CLVS1: variants seen among roughly 807,000 people sequenced by gnomAD.
The protein encoded by CLVS1 is clavesin-1.
Under a neutral mutation model 33.1 loss-of-function variants are expected in CLVS1, and 10 were observed. The ratio of observed to expected loss-of-function variants is 0.30; its 90% CI spans 0.19 to 0.51. The LOEUF (loss-of-function observed/expected upper bound fraction) is 0.51. Ranked by LOEUF, CLVS1 falls within the 20% of genes least tolerant of loss-of-function variation. CLVS1 has a pLI of 0.97. For missense variants in CLVS1, 343 were observed against 433.4 expected (o/e 0.79, Z 1.85); for synonymous variants, 163 against 166.1 (o/e 0.98, Z 0.14).
chr8:61,492,627 A>G (rs149936508), intron 5 of CLVS1, among the ~76,000 whole-genome samples: 2 of 152,242 alleles, frequency 1.3e-5, no homozygotes, highest in African/African-American at 4.8e-5. Flanking sequence ...TATAGGCAAG[A>G]GCTGGGAATT....
chr8:61,446,358 C>G (rs1816758112), intron 3 of CLVS1, among the ~76,000 whole-genome samples: 1 of 152,124 alleles, frequency 6.6e-6, no homozygotes, highest in Non-Finnish European at 1.5e-5. Flanking sequence ...TGTCCTATGT[C>G]TTGATCTGTT....
chr8:61,168,276 A>G (rs1258043156), intron 2 of CLVS1, among the ~76,000 whole-genome samples: 1 of 152,188 alleles, frequency 6.6e-6, no homozygotes, highest in Admixed American at 6.5e-5. Flanking sequence ...CCATAATTCA[A>G]TGGTGACTCC....
At chr8:61,175,903 C>T (rs935294107) in intron 2 of CLVS1, among the ~76,000 whole-genome samples, 5 of 152,194 alleles carry the variant, frequency 3.3e-5, no homozygotes, top group African/African-American at 4.8e-5. Flanking sequence ...CTCAGCTCAA[C>T]ATCTGCCTAA....
At chr8:61,064,603 C>T (rs1484877010) in intron 1 of CLVS1, among the ~76,000 whole-genome samples, 1 of 149,688 alleles carries the variant, frequency 6.7e-6, no homozygotes, top group Non-Finnish European at 1.5e-5. Context: ...TGCAGGGGCA[C>T]GATCTCAGCT....
At chr8:61,353,353 G>A (rs1225720012) in intron 2 of CLVS1, among the ~76,000 whole-genome samples, 1 of 151,906 alleles carries the variant, frequency 6.6e-6, no homozygotes, top group Non-Finnish European at 1.5e-5. Flanking sequence ...TGTTTTGTCT[G>A]ACCATAATGG....
At chr8:61,490,482 C>G (rs1269582628) in intron 5 of CLVS1, among the ~76,000 whole-genome samples, 3 of 151,270 alleles carry the variant, frequency 2.0e-5, no homozygotes, top group Non-Finnish European at 4.4e-5. Context: ...TCCTGGCCAA[C>G]ACGGTGAAAC....
chr8:61,299,799 G>T lies in CLVS1; in HGVS notation c.-29G>T. Reference sequence around the variant, plus strand: ...CCTGGTAGTAAAACACTGTTGAATGGGCCACAGTTTCAGCAGACCATCAGG... The same window carrying T: ...CCTGGTAGTAAAACACTGTTGAATGTGCCACAGTTTCAGCAGACCATCAGG... On this transcript the variant is annotated 5_prime_UTR_variant, in exon 2 of 6. Coordinates refer to ENST00000325897, the MANE Select transcript of CLVS1 (RefSeq NM_173519.3). 6.5e-7 allele frequency: 1 copy of T among 1,538,250 alleles called. No homozygotes were observed. The highest frequency in any genetic ancestry group is 8.9e-7 in the Non-Finnish European group (1 of 1,124,958).
At chr8:61,108,443 A>T (rs1219520432) in intron 1 of CLVS1, among the ~76,000 whole-genome samples, 1 of 152,200 alleles carries the variant, frequency 6.6e-6, no homozygotes, top group African/African-American at 2.4e-5. Context: ...ATGGCTCCAT[A>T]GATCTCTGTT....
At chr8:61,434,811 G>A (rs1346935756) in intron 3 of CLVS1, among the ~76,000 whole-genome samples, 2 of 152,174 alleles carry the variant, frequency 1.3e-5, no homozygotes, top group Non-Finnish European at 2.9e-5. Flanking sequence ...ACCTAAAAGG[G>A]TGCCTGGTTC....
At chr8:61,069,848 T>G (rs1180294112) in intron 1 of CLVS1, among the ~76,000 whole-genome samples, 1 of 152,182 alleles carries the variant, frequency 6.6e-6, no homozygotes, top group Non-Finnish European at 1.5e-5. Context: ...TGGAGTGCAG[T>G]GGCGCGATCT....
the CLVS1 span, among the ~76,000 whole-genome samples, chr8:61,029,946 A>T: frequency 3.9e-5 from 6 of 152,182 alleles, no homozygotes; most frequent in African/African-American, 1.4e-4. Flanking sequence ...AGGCCGCCCT[A>T]CAGCCATCCC....
intron 1 of CLVS1, among the ~76,000 whole-genome samples, chr8:61,101,659 T>C (rs1805453012): frequency 6.6e-6 from 1 of 152,126 alleles, no homozygotes; most frequent in South Asian, 2.1e-4. Context: ...TTGCTTTTGG[T>C]GTCATTTTAA....
chr8:61,492,005 T>C (rs1804105307), intron 5 of CLVS1, among the ~76,000 whole-genome samples: 1 of 152,206 alleles, frequency 6.6e-6, no homozygotes, highest in Admixed American at 6.5e-5. Context: ...AATGAGCTAA[T>C]ACATGGAAAG....
chr8:61,080,759 T>C (rs948776529), intron 1 of CLVS1, among the ~76,000 whole-genome samples: 3 of 152,150 alleles, frequency 2.0e-5, no homozygotes, highest in Non-Finnish European at 4.4e-5. Flanking sequence ...GTAGAAAAGA[T>C]AGATGCCCAA....
chr8:61,357,494 C>CTTTTTTT lies in CLVS1; in HGVS notation c.456-19089_456-19083dup, dbSNP rs1167743712. On this transcript the variant is annotated intron_variant, in intron 2 of 5. Transcript: ENST00000325897. ...CTTCTTTTTCTTTCCTTTTTCTTTT[C>CTTTTTTT]TTTTTTTTTTTTTTTTTTTTTTTTT... Among the ~76,000 whole-genome samples, 158 of 25,788 alleles carry CTTTTTTT rather than the reference C, an allele frequency of 6.1e-3. 8 individuals carry two copies. Among genetic ancestry groups the CTTTTTTT allele is most frequent in the African/African-American group, 7.0e-3 (71 of 10,074 alleles). The allele number at this position is 25,788 out of a possible 152,430, so 16.9% of individuals were successfully genotyped here.
At chr8:61,376,910 C>T in intron 3 of CLVS1, 131 bp downstream of exon 3, 4 of 766,660 alleles carry the variant, frequency 5.2e-6, no homozygotes, top group South Asian at 5.6e-5. Context: ...CTGAGTACTC[C>T]ATGTTTTTGC....
At chr8:61,439,563 G>A (rs925126842) in intron 3 of CLVS1, among the ~76,000 whole-genome samples, 2 of 152,122 alleles carry the variant, frequency 1.3e-5, no homozygotes, top group Non-Finnish European at 2.9e-5. Flanking sequence ...AACAAGGAAA[G>A]GATAAAATTC....
At chr8:60,971,275 C>T in the CLVS1 span, among the ~76,000 whole-genome samples, 4 of 152,084 alleles carry the variant, frequency 2.6e-5, no homozygotes, top group African/African-American at 9.7e-5. Flanking sequence ...GATAGGGTTT[C>T]GCCATGTTGC....
chr8:61,318,918 C>G (rs1258993821), intron 2 of CLVS1, among the ~76,000 whole-genome samples: 1 of 152,004 alleles, frequency 6.6e-6, no homozygotes, highest in Non-Finnish European at 1.5e-5. Flanking sequence ...ACCTAAGTCT[C>G]ATCTGTTTTT....
Sources: allele counts gnomAD v4.1 joint callset (sites outside exome capture counted in the v4.1 genomes callset), GRCh38; gene constraint gnomAD v4.1.1; transcripts MANE v1.5; gene names NCBI Gene and HGNC (gene_info 2026-07-23, HGNC 2026-07-21).